The following NCKAP5 variants were observed in gnomAD, a reference collection of about 807,000 sequenced individuals.
NCKAP5 encodes the protein nck-associated protein 5.
Under a neutral mutation model 167.0 loss-of-function variants are expected in NCKAP5, and 92 were observed. The ratio of observed to expected loss-of-function variants is 0.55; its 90% CI spans 0.47 to 0.66. The LOEUF (loss-of-function observed/expected upper bound fraction) is 0.66. Among genes scored for constraint, NCKAP5 ranks in the 30% least tolerant of loss-of-function variants. The pLI is 0.00. For synonymous variants in NCKAP5, 891 were observed against 877.4 expected (o/e 1.02, Z -0.27); for missense variants, 2,378 against 2,315.0 (o/e 1.03, Z -0.56).
At chr2:133,200,080 G>A (rs1301676589) in intron 5 of NCKAP5, among the ~76,000 whole-genome samples, 1 of 18,314 alleles carries the variant, frequency 5.5e-5, no homozygotes, top group African/African-American at 2.2e-4. Flanking sequence ...TTTTTTTTTT[G>A]CAGAAATGAA....
At position 133,397,326 on chromosome 2, in the gene NCKAP5, G is replaced by A. The variant is rs145728922; in HGVS notation, c.70-94216C>T. 6.8e-3 allele frequency among the ~76,000 whole-genome samples: 1,034 copies of A among 152,138 alleles called. 16 individuals are homozygous for A. The highest frequency in any genetic ancestry group is 0.024 in the African/African-American group (978 of 41,490). ...TTTGAATTCATCTGGCCATTTGATC[G>A]CAAGCTCTTGGAATGGAAGAACAAT... On this transcript the variant is annotated intron_variant, in intron 3 of 19. Coordinates refer to ENST00000409261, the MANE Select transcript of NCKAP5 (RefSeq NM_207363.3).
At chr2:133,436,012 C>A (rs147626415) in intron 3 of NCKAP5, among the ~76,000 whole-genome samples, 1 of 152,242 alleles carries the variant, frequency 6.6e-6, no homozygotes, top group East Asian at 1.9e-4. Flanking sequence ...TATCATTCAC[C>A]CAGACCCTCA....
intron 3 of NCKAP5, among the ~76,000 whole-genome samples, chr2:133,354,254 CTTT>C (rs57923596): frequency 7.0e-6 from 1 of 142,794 alleles, no homozygotes; most frequent in Non-Finnish European, 1.5e-5. Flanking sequence ...GATTAGTTCT[CTTT>C]TTTTTTTTTC....
intron 8 of NCKAP5, among the ~76,000 whole-genome samples, chr2:132,950,905 C>T (rs991759448): frequency 2.6e-5 from 4 of 151,396 alleles, no homozygotes; most frequent in Non-Finnish European, 4.4e-5. Context: ...CAAAGCAAAA[C>T]AAAACAGAAA....
intron 16 of NCKAP5, among the ~76,000 whole-genome samples, chr2:132,736,505 G>A (rs1691520254): frequency 6.6e-6 from 1 of 152,134 alleles, no homozygotes; most frequent in African/African-American, 2.4e-5. Context: ...TCACAGCTGG[G>A]CGCGGTGGCT....
intron 5 of NCKAP5, among the ~76,000 whole-genome samples, chr2:133,168,474 T>C (rs1419368934): frequency 2.6e-5 from 4 of 152,094 alleles, no homozygotes; most frequent in Non-Finnish European, 4.4e-5. Context: ...AAACAGGTTA[T>C]TTGGTAAATG....
chr2:133,123,246 CT>C (rs1559161855), intron 6 of NCKAP5: 1 of 152,324 alleles, frequency 6.6e-6, no homozygotes, highest in East Asian at 1.9e-4. Context: ...TAATGTTCAG[CT>C]TTCAGTAAGT....
the NCKAP5 span, among the ~76,000 whole-genome samples, chr2:133,608,361 T>G: frequency 2.0e-5 from 3 of 152,226 alleles, no homozygotes; most frequent in East Asian, 5.8e-4. Flanking sequence ...TCCTACTTTC[T>G]TGGGTCACCT....
intron 6 of NCKAP5, among the ~76,000 whole-genome samples, chr2:133,067,967 A>G (rs1025853289): frequency 1.3e-5 from 2 of 152,238 alleles, no homozygotes; most frequent in Middle Eastern, 6.8e-3. Flanking sequence ...TGAATTATCG[A>G]TTAGATATAG....
intron 19 of NCKAP5, among the ~76,000 whole-genome samples, chr2:132,683,999 GTCTC>G (rs1412973214): frequency 6.6e-6 from 1 of 152,204 alleles, no homozygotes; most frequent in Non-Finnish European, 1.5e-5. Flanking sequence ...ATGCTATTTA[GTCTC>G]TCTCTGCCAC....
intron 19 of NCKAP5, among the ~76,000 whole-genome samples, chr2:132,719,255 T>G (rs897009667): frequency 1.9e-4 from 29 of 152,024 alleles, no homozygotes; most frequent in African/African-American, 6.0e-4. Flanking sequence ...GTGATTGGAT[T>G]TAAAAAAAAA....
intron 8 of NCKAP5, among the ~76,000 whole-genome samples, chr2:132,908,575 C>A (rs1006361802): frequency 2.0e-5 from 3 of 152,148 alleles, no homozygotes; most frequent in African/African-American, 7.2e-5. Context: ...TCTTTTAATG[C>A]TAATTGTTTT....
intron 7 of NCKAP5, among the ~76,000 whole-genome samples, chr2:132,977,139 T>C (rs2077000666): frequency 6.6e-6 from 1 of 152,136 alleles, no homozygotes; most frequent in South Asian, 2.1e-4. Context: ...AGGAATAATG[T>C]TTTCTATATC....
chr2:133,268,495 T>C (rs1378705357), intron 4 of NCKAP5: 1 of 150,306 alleles, frequency 6.7e-6, no homozygotes, highest in East Asian at 1.9e-4. Context: ...TTTTTTTTTT[T>C]TTTTTGAGAC....
chr2:133,604,711 A>G, the NCKAP5 span, among the ~76,000 whole-genome samples: 9,948 of 152,140 alleles, frequency 0.065, 907 homozygotes, highest in East Asian at 0.35. Context: ...TCTCTGCAAG[A>G]TGGGCTGATG....
intron 6 of NCKAP5, among the ~76,000 whole-genome samples, chr2:133,087,866 T>TGCAACCCA (rs1292575379): frequency 6.6e-6 from 1 of 152,204 alleles, no homozygotes; most frequent in Admixed American, 6.5e-5. Flanking sequence ...GAGCAATTAC[T>TGCAACCCA]CTGTTGCAGG....
intron 8 of NCKAP5, among the ~76,000 whole-genome samples, chr2:132,889,418 G>A (rs923280364): frequency 6.6e-6 from 1 of 152,170 alleles, no homozygotes; most frequent in Non-Finnish European, 1.5e-5. Context: ...TGTACCTGCA[G>A]GAGCTATGCT....
chr2:133,360,196 T>C (rs1393396981), intron 3 of NCKAP5, among the ~76,000 whole-genome samples: 3 of 152,078 alleles, frequency 2.0e-5, no homozygotes, highest in Non-Finnish European at 4.4e-5. Flanking sequence ...CCAATTCAAG[T>C]AGGTAGAAGT....
intron 8 of NCKAP5, among the ~76,000 whole-genome samples, chr2:132,906,958 T>C (rs1028763002): frequency 6.6e-6 from 1 of 152,218 alleles, no homozygotes; most frequent in African/African-American, 2.4e-5. Flanking sequence ...ACTTGAATGA[T>C]TTACTGTTTT....
Sources: gnomAD v4.1 joint callset for allele counts (sites outside exome capture counted in the v4.1 genomes callset) on GRCh38, gnomAD v4.1.1 for gene constraint, MANE v1.5 for transcripts, NCBI Gene and HGNC (gene_info 2026-07-23, HGNC 2026-07-21) for gene names.